RNLS: variants seen among roughly 807,000 people sequenced by gnomAD.
RNLS encodes renalase.
RNLS carries 39 observed loss-of-function variants against 39.8 expected under a neutral mutation model. The ratio of observed to expected loss-of-function variants is 0.98; its 90% confidence interval spans 0.76 to 1.28. The LOEUF is 1.28. Among genes scored for constraint, RNLS ranks in the 50% most tolerant of loss-of-function variants. The probability of loss-of-function intolerance (pLI) is 0.00; values close to 1 mark genes in which losing one functional copy is unlikely to be tolerated. For synonymous variants in RNLS, 147 were observed against 150.7 expected (o/e 0.98, Z 0.18); for missense variants, 410 against 413.3 (o/e 0.99, Z 0.07).
chr10:88,547,777 T>C (rs1848392451), intron 4 of RNLS, among the ~76,000 whole-genome samples: 1 of 152,212 alleles, frequency 6.6e-6, no homozygotes, highest in Non-Finnish European at 1.5e-5. Flanking sequence ...AAATTTTTAA[T>C]GTACTCACCA....
intron 4 of RNLS, among the ~76,000 whole-genome samples, chr10:88,364,065 T>G (rs1267420489): frequency 6.6e-6 from 1 of 152,164 alleles, no homozygotes; most frequent in East Asian, 1.9e-4. Context: ...TACTTTTTAC[T>G]TTCTATCTCC....
In RNLS at chr10:88,583,278, G is replaced by C; in HGVS notation, c.-88C>G. On this transcript the variant is annotated 5_prime_UTR_variant, in exon 1 of 7. Transcript: ENST00000331772. ...TGGAAAGGCGGCCGAACCGGCGCTAGCGCTCTTTGGTTCCGTGCTCCCTGG... is the reference window on the plus strand; with the variant it reads ...TGGAAAGGCGGCCGAACCGGCGCTACCGCTCTTTGGTTCCGTGCTCCCTGG... 6.4e-7 allele frequency: 1 copy of C among 1,563,380 alleles called. No individual in the cohort carries two copies. Among genetic ancestry groups the C allele is most frequent in the Non-Finnish European group, 8.6e-7 (1 of 1,161,628 alleles).
chr10:88,451,634 T>C (rs910799563), intron 4 of RNLS, among the ~76,000 whole-genome samples: 1 of 152,178 alleles, frequency 6.6e-6, no homozygotes, highest in Non-Finnish European at 1.5e-5. Context: ...TTCTTTAAAG[T>C]GGATGTAAGA....
chr10:88,513,272 T>C (rs1265684523), intron 4 of RNLS, among the ~76,000 whole-genome samples: 1 of 152,150 alleles, frequency 6.6e-6, no homozygotes, highest in Admixed American at 6.6e-5. Context: ...CTTCCCTATC[T>C]GGACACAAAC....
rs1484852574 is a variant in RNLS, at chr10:88,284,209, C to G, written c.*1145G>C. Reference sequence around the variant, plus strand: ...GCTATAGAAGCAAGTTCTGCCTGTGCCTGTGTATGTGTATGTATGACAGTG... The same window carrying G: ...GCTATAGAAGCAAGTTCTGCCTGTGGCTGTGTATGTGTATGTATGACAGTG... On this transcript the variant is annotated 3_prime_UTR_variant, in exon 7 of 7. Coordinates refer to ENST00000331772, the MANE Select transcript of RNLS (RefSeq NM_001031709.3). 7 of 985,064 alleles carry G rather than the reference C, an allele frequency of 7.1e-6. No homozygotes were observed. The highest frequency in any genetic ancestry group is 8.4e-6 in the Non-Finnish European group (7 of 829,798). 61.0% of individuals were successfully genotyped at this position (985,064 alleles called of 1,614,324 possible). A position where few individuals can be genotyped will look rare whatever the true frequency, so the allele number is the denominator to read the frequency against.
At chr10:88,504,248 C>T (rs1845660346) in intron 4 of RNLS, among the ~76,000 whole-genome samples, 2 of 151,938 alleles carry the variant, frequency 1.3e-5, no homozygotes, top group South Asian at 4.1e-4. Context: ...GGTTAAATTG[C>T]CTACAGTGCA....
At chr10:88,309,893 A>T (rs1352975139) in intron 6 of RNLS, among the ~76,000 whole-genome samples, 1 of 152,148 alleles carries the variant, frequency 6.6e-6, no homozygotes, top group Middle Eastern at 3.2e-3. Context: ...TCTATAAGAG[A>T]TACCAGTAAA....
the RNLS span, among the ~76,000 whole-genome samples, chr10:88,173,309 T>C: frequency 6.6e-6 from 1 of 152,228 alleles, no homozygotes; most frequent in African/African-American, 2.4e-5. Flanking sequence ...CATTGACTTA[T>C]TTCTGGGTTC....
Position 88,296,272 on chromosome 10 carries a change from T to A in RNLS, c.877-10766A>T, listed in dbSNP as rs79187418. 6.1e-3 allele frequency among the ~76,000 whole-genome samples: 934 copies of A among 152,316 alleles called. 5 individuals carry two copies. The highest frequency in any genetic ancestry group is 0.033 in the East Asian group (170 of 5,192). On this transcript the variant is annotated intron_variant, in intron 6 of 6. Coordinates refer to ENST00000331772, the MANE Select transcript of RNLS (RefSeq NM_001031709.3). Reference sequence around the variant, plus strand: ...TGCAAAGGACTGAAAGTGCTTTCCATGGTGAGTCCAGAGATAAGCTGAAAA... The same window carrying A: ...TGCAAAGGACTGAAAGTGCTTTCCAAGGTGAGTCCAGAGATAAGCTGAAAA...
chr10:88,448,131 T>C (rs988316006), intron 4 of RNLS, among the ~76,000 whole-genome samples: 1 of 152,094 alleles, frequency 6.6e-6, no homozygotes, highest in African/African-American at 2.4e-5. Flanking sequence ...CCAAAAGCAA[T>C]GGCAACAAAA....
At chr10:88,486,133 T>C (rs1589876528) in intron 4 of RNLS, among the ~76,000 whole-genome samples, 1 of 152,116 alleles carries the variant, frequency 6.6e-6, no homozygotes, top group African/African-American at 2.4e-5. Context: ...GGACTCCCTA[T>C]TCAATAAATG....
rs564089752 is a variant in RNLS at position 88,445,629 on chromosome 10, C to G, written c.527-82904G>C. On this transcript the variant is annotated intron_variant, in intron 4 of 6. Transcript: ENST00000331772. The stretch of plus-strand genomic sequence containing the variant: ...AAGGGATGGAGGAAGATCTACCAAG[C>G]AAATGGAAAACAAAAAAAGGCAGGG... Among the ~76,000 whole-genome samples the G allele has an allele frequency of 5.3e-5, 8 of 152,058 alleles. No homozygotes were observed. The East Asian group carries it at 1.2e-3, about 22-fold the overall frequency.
At chr10:88,552,880 C>G (rs908308435) in intron 4 of RNLS, among the ~76,000 whole-genome samples, 28 of 152,234 alleles carry the variant, frequency 1.8e-4, no homozygotes, top group African/African-American at 6.7e-4. Flanking sequence ...TCAAATAATA[C>G]CTATGACTTA....
intron 6 of RNLS, among the ~76,000 whole-genome samples, chr10:88,305,350 C>A (rs907965581): frequency 2.0e-5 from 3 of 152,034 alleles, no homozygotes; most frequent in Non-Finnish European, 2.9e-5. Context: ...CATATCAGTA[C>A]AAAACTTGAA....
At chr10:88,262,857 G>T in the RNLS span, among the ~76,000 whole-genome samples, 1 of 152,096 alleles carries the variant, frequency 6.6e-6, no homozygotes, top group Non-Finnish European at 1.5e-5. Flanking sequence ...CTTGTATTTG[G>T]TACTTGATCA....
At chr10:88,500,587 C>T (rs1354820147) in intron 4 of RNLS, among the ~76,000 whole-genome samples, 1 of 152,086 alleles carries the variant, frequency 6.6e-6, no homozygotes, top group African/African-American at 2.4e-5. Flanking sequence ...CAGATACAAA[C>T]TAAGGCAAGC....
Position 88,478,260 on chromosome 10 carries a change from C to T in RNLS, c.526+94643G>A, listed in dbSNP as rs955525402. On this transcript the variant is annotated intron_variant, in intron 4 of 6. Transcript: ENST00000331772. ...CTCCCAAGTTTCTTAGGCTTGAAAA[C>T]GCGAGCCCATCTGACTCCCCACTTT... 2.6e-5 allele frequency among the ~76,000 whole-genome samples: 4 copies of T among 152,260 alleles called. No individual in the cohort carries two copies. The East Asian group carries it at 5.8e-4, about 22-fold the overall frequency.
At chr10:88,524,972 TATATATATATATATATATATATATATAC>T (rs1847017922) in intron 4 of RNLS, among the ~76,000 whole-genome samples, 2 of 126,800 alleles carry the variant, frequency 1.6e-5, no homozygotes, top group South Asian at 2.6e-4. Context: ...TATATATATA[TATATATATATATATATATATATATATAC>T]ACACACACAC....
chr10:88,272,833 A>G (rs1354290488), downstream of RNLS, among the ~76,000 whole-genome samples: 1 of 152,140 alleles, frequency 6.6e-6, no homozygotes, highest in Non-Finnish European at 1.5e-5. Context: ...AGCTGCCTTG[A>G]AAGTCTCTAA....
Sources: gnomAD v4.1 joint callset for allele counts (sites outside exome capture counted in the v4.1 genomes callset) on GRCh38, gnomAD v4.1.1 for gene constraint, MANE v1.5 for transcripts, NCBI Gene and HGNC (gene_info 2026-07-23, HGNC 2026-07-21) for gene names.